The following DENND1B variants were observed in gnomAD, a reference collection of about 807,000 sequenced individuals.
DENND1B encodes DENN domain containing 1B.
In DENND1B, 59 loss-of-function variants were observed where a neutral mutation model predicts 90.1. That is an observed-to-expected ratio of 0.65 (90% CI 0.53 to 0.81). The LOEUF (loss-of-function observed/expected upper bound fraction) is 0.81. Among genes scored for constraint, DENND1B ranks in the 40% least tolerant of loss-of-function variants. The pLI is 0.00. For missense variants in DENND1B, 862 were observed against 912.6 expected (o/e 0.94, Z 0.71); for synonymous variants, 337 against 324.6 (o/e 1.04, Z -0.41).
chr1:197,660,688 C>T (rs1654323351), intron 5 of DENND1B, among the ~76,000 whole-genome samples: 1 of 152,144 alleles, frequency 6.6e-6, no homozygotes, highest in Non-Finnish European at 1.5e-5. Context: ...AACCTCTCAA[C>T]AGCAATAAGG....
At chr1:197,692,919 G>A (rs1179691200) in intron 3 of DENND1B, among the ~76,000 whole-genome samples, 2 of 151,540 alleles carry the variant, frequency 1.3e-5, no homozygotes, top group African/African-American at 2.4e-5. Flanking sequence ...TCCAGTCAGA[G>A]GTTTCCTTCT....
chr1:197,718,473 T>C (rs1030517090), intron 2 of DENND1B, among the ~76,000 whole-genome samples: 1 of 151,738 alleles, frequency 6.6e-6, no homozygotes, highest in Non-Finnish European at 1.5e-5. Flanking sequence ...TGGTAATGTA[T>C]GATTTTTATT....
At chr1:197,692,875 A>G (rs551039411) in intron 3 of DENND1B, among the ~76,000 whole-genome samples, 247 of 151,794 alleles carry the variant, frequency 1.6e-3, no homozygotes, top group African/African-American at 5.0e-3. Context: ...TCATCCACAG[A>G]AGTAAATTCC....
intron 7 of DENND1B, among the ~76,000 whole-genome samples, chr1:197,651,856 C>T (rs1313553216): frequency 1.3e-5 from 2 of 151,736 alleles, no homozygotes; most frequent in East Asian, 1.9e-4. Context: ...GGGGTTTCAC[C>T]GTGTTAGCCA....
intron 20 of DENND1B, among the ~76,000 whole-genome samples, chr1:197,521,562 G>A (rs943346015): frequency 6.6e-6 from 1 of 151,862 alleles, no homozygotes; most frequent in Non-Finnish European, 1.5e-5. Context: ...GTGTTACCTT[G>A]CTTATCTAAA....
chr1:197,523,129 C>A (rs543714790), intron 20 of DENND1B, among the ~76,000 whole-genome samples: 6 of 152,222 alleles, frequency 3.9e-5, no homozygotes, highest in African/African-American at 1.4e-4. Flanking sequence ...ACAGGCTGCA[C>A]AGGGACAGGC....
chr1:197,636,335 A>G (rs1679789864), intron 10 of DENND1B, among the ~76,000 whole-genome samples: 1 of 152,194 alleles, frequency 6.6e-6, no homozygotes, highest in Non-Finnish European at 1.5e-5. Context: ...CTTCACTGTA[A>G]GTAATTCAAA....
intron 2 of DENND1B, among the ~76,000 whole-genome samples, chr1:197,750,966 G>C (rs1468413054): frequency 6.6e-6 from 1 of 152,120 alleles, no homozygotes; most frequent in African/African-American, 2.4e-5. Context: ...AGCACTAAAG[G>C]AGGGAACCAA....
Position 197,647,056 on chromosome 1 carries a change from G to T in DENND1B, c.506C>A (p.Pro169Gln). ...GAAGCCAATGTCCTTTTAACTCACC[G>T]GTACTAGAGCAGGCTGATCTTTCAG... ...QVLKDQPALVPHSYFIAPDVT... is the reference protein window; with the variant it reads ...QVLKDQPALVQHSYFIAPDVT... Residue 169 changes from proline (P) to glutamine (Q), a missense_variant and splice_region_variant, in exon 8 of 23, where the codon CCG becomes CAG. Pro to Gln is a moderately conservative substitution (Grantham distance 76). Coordinates refer to ENST00000620048, the MANE Select transcript of DENND1B (RefSeq NM_001195215.2). The T allele has an allele frequency of 6.8e-7, 1 of 1,466,760 alleles. No homozygotes were observed. The highest frequency in any genetic ancestry group is 9.0e-7 in the Non-Finnish European group (1 of 1,116,894). The allele number at this position is 1,466,760 out of a possible 1,614,324, so 90.9% of individuals were successfully genotyped here. A position where few individuals can be genotyped will look rare whatever the true frequency, so the allele number is the denominator to read the frequency against.
chr1:197,543,580 C>T (rs1267320872), intron 18 of DENND1B, among the ~76,000 whole-genome samples: 1 of 152,066 alleles, frequency 6.6e-6, no homozygotes, highest in African/African-American at 2.4e-5. Context: ...TGTACTATTT[C>T]ATTGTAAAAA....
At chr1:197,660,537 G>T (rs1453352347) in intron 5 of DENND1B, among the ~76,000 whole-genome samples, 2 of 151,918 alleles carry the variant, frequency 1.3e-5, no homozygotes, top group Non-Finnish European at 2.9e-5. Context: ...CAGACTGAAA[G>T]AATGAGTGAA....
chr1:197,531,312 A>G (rs1669591304), intron 20 of DENND1B, among the ~76,000 whole-genome samples: 2 of 152,176 alleles, frequency 1.3e-5, no homozygotes, highest in South Asian at 4.1e-4. Context: ...CATGAAAATT[A>G]TCTAGATTAC....
chr1:197,627,689 C>A (rs967553054), intron 10 of DENND1B, among the ~76,000 whole-genome samples: 1 of 151,898 alleles, frequency 6.6e-6, no homozygotes, highest in Non-Finnish European at 1.5e-5. Flanking sequence ...GGCAATTAGG[C>A]AGGGGAAGGA....
At chr1:197,622,708 A>G (rs113890689) in intron 10 of DENND1B, among the ~76,000 whole-genome samples, 30 of 151,564 alleles carry the variant, frequency 2.0e-4, no homozygotes, top group Non-Finnish European at 3.8e-4. Flanking sequence ...GATCATTGAT[A>G]CAAATTCTAC....
intron 2 of DENND1B, chr1:197,734,203 G>A (rs1479480663): frequency 3.4e-6 from 3 of 873,950 alleles, no homozygotes; most frequent in Non-Finnish European, 4.1e-6. Context: ...GTAGATAACT[G>A]ATTAAAACTT....
At position 197,531,178 on chromosome 1, in the gene DENND1B, C is replaced by T. The variant is rs548544826; in HGVS notation, c.1515+8786G>A. Among the ~76,000 whole-genome samples the T allele has an allele frequency of 1.2e-4, 19 of 152,328 alleles. 1 individual carries two copies. Among genetic ancestry groups the T allele is most frequent in the African/African-American group, 4.3e-4 (18 of 41,578 alleles). On this transcript the variant is annotated intron_variant, in intron 20 of 22. Transcript: ENST00000620048. ...AATGAATCACGTAAATACAAACATA[C>T]ACAGACAGCCTCACTGTTATCAAAA... is the stretch of plus-strand genomic sequence containing the variant.
chr1:197,725,997 T>C lies in DENND1B; in HGVS notation c.83-10923A>G, dbSNP rs553748020. On this transcript the variant is annotated intron_variant, in intron 2 of 22. Coordinates refer to ENST00000620048, the MANE Select transcript of DENND1B (RefSeq NM_001195215.2). ...TATGAATGACTCAGATATATATATA[T>C]ACATATACACACACACACACATATA... Among the ~76,000 whole-genome samples the C allele has an allele frequency of 8.9e-4, 135 of 151,704 alleles. 2 individuals carry two copies. The highest frequency in any genetic ancestry group is 6.8e-3 in the Middle Eastern group (2 of 294).
intron 7 of DENND1B, among the ~76,000 whole-genome samples, chr1:197,651,527 T>G (rs968984782): frequency 8.6e-5 from 13 of 152,044 alleles, no homozygotes; most frequent in African/African-American, 3.1e-4. Flanking sequence ...TATCACATAT[T>G]TATATGTTAT....
In DENND1B at chr1:197,633,379, G is replaced by A. The variant is rs1679503514; in HGVS notation, c.672+9332C>T. Reference sequence around the variant, plus strand: ...ATCTGCCCCTCACTGCCTGATCTGTGAAAATGGATCTGGACTCTGGATATT... The same window carrying A: ...ATCTGCCCCTCACTGCCTGATCTGTAAAAATGGATCTGGACTCTGGATATT... On this transcript the variant is annotated intron_variant, in intron 10 of 22. Coordinates refer to ENST00000620048, the MANE Select transcript of DENND1B (RefSeq NM_001195215.2). Among the ~76,000 whole-genome samples the A allele has an allele frequency of 2.0e-5, 3 of 152,278 alleles. No homozygotes were observed. In the South Asian group the frequency reaches 6.2e-4, roughly 32 times the overall value.
Sources: allele counts gnomAD v4.1 joint callset (sites outside exome capture counted in the v4.1 genomes callset), GRCh38; gene constraint gnomAD v4.1.1; transcripts MANE v1.5; gene names NCBI Gene and HGNC (gene_info 2026-07-23, HGNC 2026-07-21).